The following PLN variants were observed in gnomAD, a reference collection of about 807,000 sequenced individuals.
The protein encoded by PLN is phospholamban, also known as cardiac phospholamban.
A neutral mutation model predicts 3.9 loss-of-function variants in PLN; 1 was observed. The ratio of observed to expected loss-of-function variants is 0.26; its 90% CI spans 0.09 to 1.23. PLN has a LOEUF of 1.23. Among genes scored for constraint, PLN ranks in the 50% most tolerant of loss-of-function variants. The pLI is 0.48. For missense variants in PLN, 59 were observed against 62.7 expected (o/e 0.94, Z 0.20); for synonymous variants, 21 against 20.5 (o/e 1.02, Z -0.07).
chr6:118,561,274 C>T lies in PLN; in HGVS notation c.*2194C>T, dbSNP rs74501081. 8.5e-3 allele frequency among the ~76,000 whole-genome samples: 1,300 copies of T among 152,172 alleles called. 16 individuals carry two copies. Among genetic ancestry groups the T allele is most frequent in the African/African-American group, 0.03 (1,236 of 41,522 alleles). On this transcript the variant is annotated 3_prime_UTR_variant, in exon 2 of 2. Coordinates refer to ENST00000357525, the MANE Select transcript of PLN (RefSeq NM_002667.5). The stretch of plus-strand genomic sequence containing the variant: ...GTAAATTACCAATACAGAAAGTATC[C>T]CTAGTCTTAAAAACAAGTGGAAAAT...
At chr6:118,556,307 A>G (rs9489438) in intron 1 of PLN, among the ~76,000 whole-genome samples, 107,889 of 152,076 alleles carry the variant, frequency 0.71, 39,001 homozygotes, top group African/African-American at 0.75. Flanking sequence ...AAATACAGGT[A>G]GTTAATAACT....
intron 1 of PLN, among the ~76,000 whole-genome samples, chr6:118,552,153 AT>A (rs965702939): frequency 6.6e-6 from 1 of 151,992 alleles, no homozygotes; most frequent in Non-Finnish European, 1.5e-5. Flanking sequence ...CTTGAATTCA[AT>A]TTAATAAAGT....
At chr6:118,553,676 A>T (rs1778682233) in intron 1 of PLN, among the ~76,000 whole-genome samples, 1 of 152,224 alleles carries the variant, frequency 6.6e-6, no homozygotes, top group Admixed American at 6.5e-5. Context: ...TTCCAGAAAC[A>T]AACTCTTCTT....
chr6:118,558,630 C>T (rs1488519178), intron 1 of PLN, among the ~76,000 whole-genome samples, 195 bp from the exon 2 acceptor site: 1 of 57,110 alleles, frequency 1.8e-5, no homozygotes, highest in African/African-American at 6.4e-5. Flanking sequence ...TGCACATACA[C>T]ACACACACAC....
At chr6:118,555,425 C>CAAA (rs200889385) in intron 1 of PLN, among the ~76,000 whole-genome samples, 15,449 of 116,008 alleles carry the variant, frequency 0.13, 1,326 homozygotes, top group Non-Finnish European at 0.18. Flanking sequence ...AAGACTGTCT[C>CAAA]AAAAAAAAAA....
intron 1 of PLN, among the ~76,000 whole-genome samples, 165 bp from the exon 2 acceptor site, chr6:118,558,660 C>G (rs441037): frequency 0.19 from 23,272 of 121,686 alleles, 2,496 homozygotes; most frequent in Non-Finnish European, 0.23. Context: ...CACACACACA[C>G]AGAGAGAGAG....
chr6:118,554,693 G>A (rs1199690305), intron 1 of PLN, among the ~76,000 whole-genome samples: 1 of 152,162 alleles, frequency 6.6e-6, no homozygotes, highest in Admixed American at 6.5e-5. Flanking sequence ...AAAACCAGTA[G>A]AGGTGACAAC....
chr6:118,553,671 G>C (rs1778681675), intron 1 of PLN, among the ~76,000 whole-genome samples: 1 of 152,114 alleles, frequency 6.6e-6, no homozygotes, highest in African/African-American at 2.4e-5. Flanking sequence ...TTTGTTTCCA[G>C]AAACAAACTC....
Position 118,560,057 on chromosome 6 carries a change from A to G in PLN, c.*977A>G, listed in dbSNP as rs113584707. 1 of 167,212 alleles carries G rather than the reference A, an allele frequency of 6.0e-6. No homozygotes were observed. The highest frequency in any genetic ancestry group is 2.4e-5 in the African/African-American group (1 of 41,566). 10.4% of individuals were successfully genotyped at this position (167,212 alleles called of 1,614,324 possible). A position where few individuals can be genotyped will look rare whatever the true frequency, so the allele number is the denominator to read the frequency against. ...CAAGGAAAATAAAAGATTTCCAGTG[A>G]CAGAAAAATATATTATCTCAAGTAT... is the stretch of plus-strand genomic sequence containing the variant. On this transcript the variant is annotated 3_prime_UTR_variant, in exon 2 of 2. Coordinates refer to ENST00000357525, the MANE Select transcript of PLN (RefSeq NM_002667.5).
chr6:118,558,071 C>A (rs1778983522), intron 1 of PLN, among the ~76,000 whole-genome samples: 1 of 151,730 alleles, frequency 6.6e-6, no homozygotes, highest in Non-Finnish European at 1.5e-5. Context: ...CTCCAGCGAT[C>A]CTCCCAAGTA....
At chr6:118,549,873 A>G (rs908127368) in intron 1 of PLN, among the ~76,000 whole-genome samples, 1 of 151,896 alleles carries the variant, frequency 6.6e-6, no homozygotes, top group African/African-American at 2.4e-5. Flanking sequence ...ACTTACCCTT[A>G]GCTCACTAGT....
Position 118,551,067 on chromosome 6 carries a change from C to T in PLN, c.-98+2675C>T, listed in dbSNP as rs187823666. Among the ~76,000 whole-genome samples the T allele has an allele frequency of 5.3e-5, 8 of 151,958 alleles. No homozygotes were observed. The East Asian group carries it at 1.5e-3, about 29-fold the overall frequency. On this transcript the variant is annotated intron_variant, in intron 1 of 1. Transcript: ENST00000357525. The stretch of plus-strand genomic sequence containing the variant: ...TGCTAAAATACTCATGCCTTCAATT[C>T]ATCTGATACCTAAAATCCAAGTTAA...
In PLN at chr6:118,558,841, C is replaced by T. The variant is rs541080130; in HGVS notation, c.-81C>T. 2.2e-5 allele frequency: 20 copies of T among 928,594 alleles called. No homozygotes were observed. In the East Asian group the frequency reaches 4.6e-4, roughly 21 times the overall value. The allele number at this position is 928,594 out of a possible 1,614,324, so 57.5% of individuals were successfully genotyped here. ...ACATTCCAGGCTACCTAAAAGAAGA[C>T]AGTTATCTCATATTTGGCTGCCAGC... On this transcript the variant is annotated 5_prime_UTR_variant, in exon 2 of 2. Coordinates refer to ENST00000357525, the MANE Select transcript of PLN (RefSeq NM_002667.5).
intron 1 of PLN, among the ~76,000 whole-genome samples, chr6:118,556,786 T>C (rs1328231909): frequency 6.6e-6 from 1 of 152,216 alleles, no homozygotes; most frequent in Non-Finnish European, 1.5e-5. Flanking sequence ...TCATTTTTCT[T>C]ATTTCAAAAT....
intron 1 of PLN, among the ~76,000 whole-genome samples, chr6:118,554,615 A>G (rs1415384408): frequency 6.6e-6 from 1 of 152,214 alleles, no homozygotes; most frequent in East Asian, 1.9e-4. Flanking sequence ...GGGGATACAA[A>G]CATGTAAATT....
intron 1 of PLN, among the ~76,000 whole-genome samples, chr6:118,552,169 C>T (rs1778586201): frequency 6.6e-6 from 1 of 151,880 alleles, no homozygotes; most frequent in Admixed American, 6.6e-5. Context: ...TAAAGTATTT[C>T]TTCAGTACTC....
At chr6:118,554,463 A>G (rs1188037507) in intron 1 of PLN, among the ~76,000 whole-genome samples, 4 of 152,152 alleles carry the variant, frequency 2.6e-5, no homozygotes. Context: ...ATTATTTTTA[A>G]TTAACAATTT....
chr6:118,549,540 T>C (rs1778414195), intron 1 of PLN, among the ~76,000 whole-genome samples: 1 of 151,860 alleles, frequency 6.6e-6, no homozygotes, highest in Non-Finnish European at 1.5e-5. Context: ...GTTAATTCTA[T>C]TGCTCACTAC....
intron 1 of PLN, among the ~76,000 whole-genome samples, chr6:118,551,998 T>A (rs1778577635): frequency 6.6e-6 from 1 of 152,030 alleles, no homozygotes; most frequent in South Asian, 2.1e-4. Context: ...AGTGGAAATG[T>A]CAGAAAGTAG....
Sources: allele counts gnomAD v4.1 joint callset (sites outside exome capture counted in the v4.1 genomes callset), GRCh38; gene constraint gnomAD v4.1.1; transcripts MANE v1.5; gene names NCBI Gene and HGNC (gene_info 2026-07-23, HGNC 2026-07-21).